The following RNF17 variants were observed in gnomAD, a reference collection of about 807,000 sequenced individuals.
RNF17 encodes the protein spermatogenesis associated 23.
RNF17 carries 31 observed loss-of-function variants against 200.5 expected under a neutral mutation model. The ratio of observed to expected loss-of-function variants is 0.15; its 90% CI spans 0.12 to 0.21. The LOEUF is 0.21. Among genes scored for constraint, RNF17 ranks in the 10% least tolerant of loss-of-function variants. RNF17 has a pLI of 1.00. For synonymous variants in RNF17, 606 were observed against 637.8 expected (o/e 0.95, Z 0.75); for missense variants, 1,628 against 1,905.1 (o/e 0.85, Z 2.71).
Position 24,857,716 on chromosome 13 carries a change from T to G in RNF17, c.3611-1285T>G, listed in dbSNP as rs1892666325. On this transcript the variant is annotated intron_variant, in intron 25 of 35. Transcript: ENST00000255324. Reference sequence around the variant, plus strand: ...GAGTTTGCGACCAGGCTGGGCAACATGGTGAGACCCCATCGCTACAAAACA... The same window carrying G: ...GAGTTTGCGACCAGGCTGGGCAACAGGGTGAGACCCCATCGCTACAAAACA... Among the ~76,000 whole-genome samples the G allele has an allele frequency of 2.0e-5, 3 of 152,192 alleles. No individual in the cohort carries two copies. In the South Asian group the frequency reaches 6.2e-4, roughly 32 times the overall value.
chr13:24,834,751 A>G (rs4389003), intron 18 of RNF17, among the ~76,000 whole-genome samples: 130,623 of 152,140 alleles, frequency 0.86, 56,157 homozygotes, highest in Middle Eastern at 0.93. Flanking sequence ...GAGGAGCAGG[A>G]TGTAAAACTC....
intron 1 of RNF17, among the ~76,000 whole-genome samples, chr13:24,766,942 A>G (rs1264582407): frequency 6.6e-6 from 1 of 152,210 alleles, no homozygotes; most frequent in Non-Finnish European, 1.5e-5. Flanking sequence ...ATATTCAATA[A>G]GTCAACCATT....
chr13:24,859,921 A>C (rs970156889), intron 26 of RNF17, among the ~76,000 whole-genome samples: 7 of 152,050 alleles, frequency 4.6e-5, no homozygotes, highest in African/African-American at 1.4e-4. Context: ...TACTAATAAG[A>C]AAATTGAAAT....
chr13:24,794,341 C>T (rs1362542958), intron 10 of RNF17: 1 of 376,824 alleles, frequency 2.7e-6, no homozygotes, highest in Non-Finnish European at 5.2e-6. Context: ...AAGTGAATTT[C>T]ACTGATAACT....
At chr13:24,806,222 C>T (rs924377446) in intron 15 of RNF17, among the ~76,000 whole-genome samples, 1 of 152,166 alleles carries the variant, frequency 6.6e-6, no homozygotes, top group Non-Finnish European at 1.5e-5. Context: ...CATAGTATTC[C>T]ATGGTGTATA....
rs1395817341 is a variant in RNF17 at position 24,796,300 on chromosome 13, T to G, written c.1399+5T>G. On this transcript the variant is annotated splice_donor_5th_base_variant and intron_variant, in intron 11 of 35. Coordinates refer to ENST00000255324, the MANE Select transcript of RNF17 (RefSeq NM_031277.3). The stretch of plus-strand genomic sequence containing the variant: ...CTTCAGACATTTTGGAACTAGGTAA[T>G]GAAATATTAGTCCAAGTTAAAATAT... 8 of 1,575,704 alleles carry G rather than the reference T, an allele frequency of 5.1e-6. No individual in the cohort carries two copies. Among genetic ancestry groups the G allele is most frequent in the Non-Finnish European group, 6.9e-6 (8 of 1,160,972 alleles).
At chr13:24,756,192 T>C in the RNF17 span, among the ~76,000 whole-genome samples, 2 of 152,166 alleles carry the variant, frequency 1.3e-5, no homozygotes, top group Non-Finnish European at 2.9e-5. Context: ...TTTTATAAAA[T>C]AATGTCATAA....
At chr13:24,842,330 A>G (rs755838172) in intron 19 of RNF17, among the ~76,000 whole-genome samples, 169 bp downstream of exon 19, 4 of 152,162 alleles carry the variant, frequency 2.6e-5, no homozygotes, top group Non-Finnish European at 5.9e-5. Flanking sequence ...GGAGTCATTA[A>G]TGAGGACTAG....
intron 16 of RNF17, among the ~76,000 whole-genome samples, chr13:24,826,922 T>C (rs897477044): frequency 2.0e-5 from 3 of 151,866 alleles, no homozygotes; most frequent in Admixed American, 6.6e-5. Context: ...TAGCTGGGCA[T>C]GGTGGTGCAT....
intron 15 of RNF17, among the ~76,000 whole-genome samples, chr13:24,820,411 C>T (rs961792103): frequency 3.3e-5 from 5 of 151,796 alleles, no homozygotes; most frequent in East Asian, 3.9e-4. Flanking sequence ...CATGAGCCAC[C>T]GCACCTGGCC....
At chr13:24,861,678 C>T (rs1235652402) in intron 27 of RNF17, among the ~76,000 whole-genome samples, 1 of 152,166 alleles carries the variant, frequency 6.6e-6, no homozygotes, top group Non-Finnish European at 1.5e-5. Context: ...AAACTTGAAG[C>T]TGGAGATCAG....
chr13:24,806,711 A>G (rs1365416060), intron 15 of RNF17, among the ~76,000 whole-genome samples: 1 of 151,772 alleles, frequency 6.6e-6, no homozygotes, highest in Admixed American at 6.6e-5. Flanking sequence ...GGTTAGTTAC[A>G]TATGTATACA....
the RNF17 span, among the ~76,000 whole-genome samples, chr13:24,754,350 T>C: frequency 6.6e-6 from 1 of 152,128 alleles, no homozygotes; most frequent in Non-Finnish European, 1.5e-5. Flanking sequence ...GGAGTAGACA[T>C]ACAGGCCAGG....
At chr13:24,810,934 G>A (rs1038484442) in intron 15 of RNF17, among the ~76,000 whole-genome samples, 1 of 149,766 alleles carries the variant, frequency 6.7e-6, no homozygotes, top group African/African-American at 2.5e-5. Context: ...ATTCTGGGTT[G>A]AAAATTCTTT....
At position 24,769,124 on chromosome 13, in the gene RNF17, G is replaced by A. The variant is rs568248408; in HGVS notation, c.225+1758G>A. On this transcript the variant is annotated intron_variant, in intron 2 of 35. Coordinates refer to ENST00000255324, the MANE Select transcript of RNF17 (RefSeq NM_031277.3). The stretch of plus-strand genomic sequence containing the variant: ...TCAGTCTTGTGGGTGAAGATTAAGT[G>A]AAGGGAAAGGAAAGGAGCAGGCAGC... Among the ~76,000 whole-genome samples the A allele has an allele frequency of 2.5e-3, 377 of 149,306 alleles. 6 individuals carry two copies. Among genetic ancestry groups the A allele is most frequent in the African/African-American group, 9.2e-3 (373 of 40,616 alleles).
chr13:24,814,371 A>G (rs1270546104), intron 15 of RNF17, among the ~76,000 whole-genome samples: 1 of 152,208 alleles, frequency 6.6e-6, no homozygotes, highest in Non-Finnish European at 1.5e-5. Context: ...TTGTTCCACA[A>G]AAGTTTTTAA....
intron 33 of RNF17, among the ~76,000 whole-genome samples, chr13:24,876,344 G>C (rs924934961): frequency 6.6e-6 from 1 of 152,068 alleles, no homozygotes; most frequent in Non-Finnish European, 1.5e-5. Context: ...GTGGAACTTG[G>C]GTTGCTCCCC....
Position 24,789,703 on chromosome 13 carries a change from G to C in RNF17, c.866G>C (p.Ser289Thr), listed in dbSNP as rs775965201. The change falls in exon 9 of 36, where the codon AGT becomes ACT. Residue 289 changes from serine (S) to threonine (T), a missense_variant. Around this residue, in one of 5 missense-constraint regions of RNF17, gnomAD observed 502 missense variants for 501.7 expected, o/e 1.00. Transcript: ENST00000255324. ...SPQLRNPPRL[S>T]VNCSEIICMF... is the part of the protein sequence containing the mutation. ...ATGTTAATGTTTTATTATAGGTTGA[G>C]TGTGAATTGCAGTGAGATCATCTGT... is the stretch of plus-strand genomic sequence containing the variant. The C allele has an allele frequency of 7.6e-6, 12 of 1,584,284 alleles. No homozygotes were observed. The highest frequency in any genetic ancestry group is 9.5e-6 in the Non-Finnish European group (11 of 1,153,648).
chr13:24,855,703 C>T (rs1397413683), intron 25 of RNF17, among the ~76,000 whole-genome samples: 1 of 152,026 alleles, frequency 6.6e-6, no homozygotes, highest in African/African-American at 2.4e-5. Flanking sequence ...TAACAGTTTA[C>T]ACTCATCACT....
Sources: allele counts gnomAD v4.1 joint callset (sites outside exome capture counted in the v4.1 genomes callset), GRCh38; gene constraint gnomAD v4.1.1; regional missense constraint gnomAD v4.1.1; transcripts MANE v1.5; gene names NCBI Gene and HGNC (gene_info 2026-07-23, HGNC 2026-07-21).